Variants in MAPDA observed in about 807,000 individuals in gnomAD.
MAPDA encodes the protein N6-Methyl-AMP deaminase, also known as N6,N6-dimethyl-AMP deaminase.
At chr15:43,335,947 G>A in the MAPDA span, 1 of 1,219,620 alleles carries the variant, frequency 8.2e-7, no homozygotes, top group Non-Finnish European at 1.1e-6. Context: ...GTGGTGTGGA[G>A]CATATATCTT....
At chr15:43,337,523 A>G in the MAPDA span, among the ~76,000 whole-genome samples, 1 of 152,168 alleles carries the variant, frequency 6.6e-6, no homozygotes, top group Non-Finnish European at 1.5e-5. Flanking sequence ...GACATGGAAG[A>G]TTGTCTTCTG....
chr15:43,335,960 C>T, the MAPDA span: 2 of 1,086,008 alleles, frequency 1.8e-6, no homozygotes, highest in Middle Eastern at 2.1e-4. Context: ...TATATCTTAA[C>T]ATACAACATT....
At chr15:43,351,879 T>C in the MAPDA span, 1 of 1,551,624 alleles carries the variant, frequency 6.4e-7, no homozygotes, top group Non-Finnish European at 8.7e-7. Context: ...TCTTTGCTTC[T>C]GACAGCACCA....
At chr15:43,342,892 T>C in the MAPDA span, 1 of 852,210 alleles carries the variant, frequency 1.2e-6, no homozygotes, top group Non-Finnish European at 1.8e-6. Context: ...GCCCTTGTCA[T>C]AGCATAAAGT....
chr15:43,354,205 G>A, the MAPDA span: 1 of 152,208 alleles, frequency 6.6e-6, no homozygotes, highest in Non-Finnish European at 1.5e-5. Flanking sequence ...CTTTATTGTG[G>A]TGTGAGAGCA....
the MAPDA span, chr15:43,335,977 C>A: frequency 1.1e-6 from 1 of 919,904 alleles, no homozygotes; most frequent in Non-Finnish European, 1.6e-6. Context: ...CATTTTTTTC[C>A]AGCTGTTAGA....
At chr15:43,330,737 A>G in the MAPDA span, 2 of 431,952 alleles carry the variant, frequency 4.6e-6, no homozygotes. Context: ...CATTTGTCCC[A>G]GAATACGGTC....
the MAPDA span, among the ~76,000 whole-genome samples, chr15:43,338,182 G>T: frequency 6.6e-6 from 1 of 152,228 alleles, no homozygotes. Context: ...GAAGTGAGAA[G>T]ATTCTGTGCA....
the MAPDA span, among the ~76,000 whole-genome samples, chr15:43,350,590 A>G: frequency 6.6e-6 from 1 of 152,156 alleles, no homozygotes; most frequent in Non-Finnish European, 1.5e-5. Flanking sequence ...GGATTGCAGT[A>G]GCTTTTCAAA....
At chr15:43,351,630 C>T in the MAPDA span, 1 of 885,296 alleles carries the variant, frequency 1.1e-6, no homozygotes, top group Non-Finnish European at 1.7e-6. Flanking sequence ...AATTTGTAGG[C>T]CCTTGTTTAG....
the MAPDA span, chr15:43,345,733 G>A: frequency 1.6e-6 from 2 of 1,212,702 alleles, no homozygotes; most frequent in Non-Finnish European, 2.4e-6. Flanking sequence ...ATTCAGTCAG[G>A]CTATACTTTT....
the MAPDA span, chr15:43,351,995 G>T: frequency 2.7e-6 from 4 of 1,507,076 alleles, no homozygotes; most frequent in African/African-American, 5.6e-5. Flanking sequence ...TCAAGTTCCT[G>T]CCATATCCCA....
chr15:43,350,987 T>C, the MAPDA span: 5 of 1,551,718 alleles, frequency 3.2e-6, no homozygotes, highest in South Asian at 2.4e-5. Flanking sequence ...TTCCATCTTA[T>C]GACCAGCACC....
the MAPDA span, among the ~76,000 whole-genome samples, chr15:43,331,738 A>G: frequency 6.6e-6 from 1 of 152,234 alleles, no homozygotes; most frequent in Non-Finnish European, 1.5e-5. Flanking sequence ...TCTGTGGAGC[A>G]ATAAGGGCAG....
the MAPDA span, chr15:43,336,702 A>G: frequency 1.5e-5 from 23 of 1,517,992 alleles, no homozygotes; most frequent in Non-Finnish European, 1.9e-5. Flanking sequence ...ACATGAAGGA[A>G]TTTTTAGAAT....
chr15:43,330,572 G>C, the MAPDA span: 1,733 of 1,450,242 alleles, frequency 1.2e-3, 2 homozygotes, highest in Non-Finnish European at 1.5e-3. Flanking sequence ...ACCTCGGTAG[G>C]GGGAAAAAAA....
the MAPDA span, among the ~76,000 whole-genome samples, chr15:43,350,209 G>A: frequency 6.6e-6 from 1 of 151,644 alleles, no homozygotes; most frequent in African/African-American, 2.4e-5. Context: ...GGGACAACAG[G>A]CGCCTGCCAC....
At chr15:43,330,435 T>C in the MAPDA span, 21 of 1,555,532 alleles carry the variant, frequency 1.4e-5, no homozygotes, top group South Asian at 2.5e-5. Context: ...AGGGCGCTGC[T>C]GTCGTTGGTG....
chr15:43,345,946 C>G, the MAPDA span: 1 of 1,614,162 alleles, frequency 6.2e-7, no homozygotes, highest in Non-Finnish European at 8.5e-7. Context: ...ACTGAGGGTA[C>G]AGTTCTTGGC....
Sources: gnomAD v4.1 joint callset for allele counts (sites outside exome capture counted in the v4.1 genomes callset) on GRCh38, gnomAD v4.1.1 for gene constraint, MANE v1.5 for transcripts, NCBI Gene and HGNC (gene_info 2026-07-23, HGNC 2026-07-21) for gene names.